Variants in ANKFN1 observed in about 807,000 individuals in gnomAD.
ANKFN1 encodes the protein ankyrin repeat and fibronectin type-III domain-containing protein 1.
A neutral mutation model predicts 108.7 loss-of-function variants in ANKFN1; 74 were observed. That is an observed-to-expected ratio of 0.68 (90% CI 0.56 to 0.83). The LOEUF (loss-of-function observed/expected upper bound fraction) is 0.83, where lower values mean the gene tolerates loss of function less well. Among genes scored for constraint, ANKFN1 ranks in the 40% least tolerant of loss-of-function variants. The probability of loss-of-function intolerance (pLI) is 0.00; values close to 1 mark genes in which losing one functional copy is unlikely to be tolerated. For synonymous variants in ANKFN1, 547 were observed against 516.2 expected (o/e 1.06, Z -0.81); for missense variants, 1,505 against 1,382.3 (o/e 1.09, Z -1.41).
At chr17:56,055,447 GT>G (rs1904850476) in intron 4 of ANKFN1, among the ~76,000 whole-genome samples, 1 of 149,046 alleles carries the variant, frequency 6.7e-6, no homozygotes, top group Non-Finnish European at 1.5e-5. Context: ...ATGTCTGTGT[GT>G]GTGTGTGTGT....
chr17:56,243,191 T>C (rs1431389048), intron 3 of ANKFN1, among the ~76,000 whole-genome samples: 1 of 152,138 alleles, frequency 6.6e-6, no homozygotes, highest in Non-Finnish European at 1.5e-5. Context: ...CTTTGGGAAT[T>C]TTATGAATAT....
intron 2 of ANKFN1, among the ~76,000 whole-genome samples, chr17:56,226,409 C>T (rs1364837338): frequency 6.6e-6 from 1 of 152,088 alleles, no homozygotes; most frequent in African/African-American, 2.4e-5. Context: ...AATCCATGAG[C>T]CCCACTCCTA....
At chr17:56,404,053 C>CT (rs753346143) in intron 8 of ANKFN1, among the ~76,000 whole-genome samples, 2 of 152,018 alleles carry the variant, frequency 1.3e-5, no homozygotes, top group Non-Finnish European at 2.9e-5. Flanking sequence ...CAAGTTTTTC[C>CT]TTTATAGGTT....
chr17:56,087,958 G>A (rs1905346840), intron 4 of ANKFN1, among the ~76,000 whole-genome samples: 1 of 151,074 alleles, frequency 6.6e-6, no homozygotes, highest in Non-Finnish European at 1.5e-5. Context: ...GTGTGTTTGT[G>A]TGTATGTGTT....
intron 3 of ANKFN1, among the ~76,000 whole-genome samples, chr17:56,276,259 T>C (rs949719302): frequency 7.9e-5 from 12 of 152,200 alleles, no homozygotes; most frequent in Middle Eastern, 3.2e-3. Context: ...CAGTTTATCA[T>C]TGATGGATAT....
At chr17:56,193,456 GT>G (rs1184077508) in intron 1 of ANKFN1, among the ~76,000 whole-genome samples, 1 of 147,698 alleles carries the variant, frequency 6.8e-6, no homozygotes, top group Non-Finnish European at 1.5e-5. Context: ...TATTTGTAGC[GT>G]TTTTAAAAAA....
rs1466873294 is a variant in ANKFN1, at chr17:56,188,543, A to ATGTGTGTGTGTGTGTG, written c.-70-24054_-70-24053insGTGTGTGTGTGTGTGT. Among the ~76,000 whole-genome samples, 101 of 74,104 alleles carry ATGTGTGTGTGTGTGTG rather than the reference A, an allele frequency of 1.4e-3. 10 individuals are homozygous for ATGTGTGTGTGTGTGTG. The highest frequency in any genetic ancestry group is 8.5e-3 in the African/African-American group (94 of 11,036). The allele number at this position is 74,104 out of a possible 152,430, so 48.6% of individuals were successfully genotyped here. On this transcript the variant is annotated intron_variant, in intron 1 of 20. Coordinates refer to ENST00000682825, the MANE Select transcript of ANKFN1 (RefSeq NM_001370326.1). ...ATATATAAGAAATAAAATAAGATGT[A>ATGTGTGTGTGTGTGTG]TATGTGTGTGTGTGTGTGTATGTGT...
intron 8 of ANKFN1, among the ~76,000 whole-genome samples, chr17:56,397,709 C>T (rs1377240008): frequency 6.6e-6 from 1 of 152,124 alleles, no homozygotes; most frequent in Non-Finnish European, 1.5e-5. Context: ...AGGATGAGGT[C>T]ATTGTAAACT....
At chr17:56,254,412 G>A (rs1252091396) in intron 3 of ANKFN1, among the ~76,000 whole-genome samples, 2 of 152,214 alleles carry the variant, frequency 1.3e-5, no homozygotes, top group Non-Finnish European at 2.9e-5. Context: ...CATTGTCTGA[G>A]TGTACCTTTC....
intron 1 of ANKFN1, among the ~76,000 whole-genome samples, chr17:56,186,796 C>T (rs189186837): frequency 2.0e-5 from 3 of 152,256 alleles, no homozygotes; most frequent in African/African-American, 4.8e-5. Flanking sequence ...TGTTAAAAAT[C>T]GCACGGGGCT....
chr17:56,094,756 G>A (rs1258997403), intron 4 of ANKFN1, among the ~76,000 whole-genome samples: 5 of 146,902 alleles, frequency 3.4e-5, no homozygotes, highest in Non-Finnish European at 6.0e-5. Flanking sequence ...TCCTGACTTC[G>A]TGATCCACCC....
intron 18 of ANKFN1, among the ~76,000 whole-genome samples, chr17:56,482,877 TC>T (rs2050755999): frequency 6.6e-6 from 1 of 152,116 alleles, no homozygotes; most frequent in South Asian, 2.1e-4. Flanking sequence ...TCTCTCACTC[TC>T]TTTTTCCCCT....
chr17:56,180,879 A>T (rs6505044), intron 1 of ANKFN1, among the ~76,000 whole-genome samples: 20 of 151,958 alleles, frequency 1.3e-4, no homozygotes, highest in African/African-American at 4.6e-4. Flanking sequence ...ATGACACAGG[A>T]CTTGATGCTA....
Position 56,503,162 on chromosome 17 carries a change from T to G in ANKFN1, c.2644+4064T>G, listed in dbSNP as rs569457460. Among the ~76,000 whole-genome samples the G allele has an allele frequency of 6.6e-5, 10 of 151,944 alleles. No individual in the cohort carries two copies. The South Asian group carries it at 2.1e-3, about 32-fold the overall frequency. ...TTTTTTTTTTTCCAATACTGCTGTT[T>G]CTCCTAGTGACACATGGGTGAGGCA... On this transcript the variant is annotated intron_variant, in intron 20 of 20. Coordinates refer to ENST00000682825, the MANE Select transcript of ANKFN1 (RefSeq NM_001370326.1).
chr17:56,451,401 C>A (rs1026987131), intron 11 of ANKFN1, among the ~76,000 whole-genome samples: 1 of 152,008 alleles, frequency 6.6e-6, no homozygotes, highest in African/African-American at 2.4e-5. Context: ...ACCCTTAATG[C>A]AGAAGGATAA....
chr17:56,077,645 A>G (rs1905196796), intron 4 of ANKFN1, among the ~76,000 whole-genome samples: 1 of 152,170 alleles, frequency 6.6e-6, no homozygotes, highest in African/African-American at 2.4e-5. Flanking sequence ...TGGCCAACTC[A>G]TTGGCAACTT....
At chr17:56,450,868 C>A (rs1039496089) in intron 11 of ANKFN1, among the ~76,000 whole-genome samples, 2 of 152,232 alleles carry the variant, frequency 1.3e-5, no homozygotes, top group Admixed American at 1.3e-4. Context: ...GGATTCCTAT[C>A]TAATAATCAA....
chr17:56,282,791 C>T (rs929390355), intron 3 of ANKFN1, among the ~76,000 whole-genome samples: 1 of 151,942 alleles, frequency 6.6e-6, no homozygotes, highest in African/African-American at 2.4e-5. Context: ...TAAGCTTTGA[C>T]AAAGTGTTGG....
At chr17:56,070,818 T>C (rs1905112801) in intron 4 of ANKFN1, among the ~76,000 whole-genome samples, 2 of 151,504 alleles carry the variant, frequency 1.3e-5, no homozygotes, top group African/African-American at 4.9e-5. Flanking sequence ...CACTGCAACC[T>C]CCACCTCCCG....
Sources: allele counts gnomAD v4.1 joint callset (sites outside exome capture counted in the v4.1 genomes callset), GRCh38; gene constraint gnomAD v4.1.1; transcripts MANE v1.5; gene names NCBI Gene and HGNC (gene_info 2026-07-23, HGNC 2026-07-21).